Variants in CLTB observed in about 807,000 individuals in gnomAD.
CLTB encodes the protein clathrin light chain B.
A neutral mutation model predicts 30.5 loss-of-function variants in CLTB; 10 were observed. That is an observed-to-expected ratio of 0.33 (90% confidence interval 0.20 to 0.56). CLTB has a LOEUF of 0.56. Ranked by LOEUF, CLTB falls within the 20% of genes least tolerant of loss-of-function variation. The probability of loss-of-function intolerance (pLI) is 0.91; values close to 1 mark genes in which losing one functional copy is unlikely to be tolerated. For synonymous variants in CLTB, 102 were observed against 120.3 expected, an observed-to-expected ratio of 0.85 and a Z score of 1.00; for missense variants, 261 against 308.3, an observed-to-expected ratio of 0.85 and a Z score of 1.15.
intron 1 of CLTB, among the ~76,000 whole-genome samples, chr5:176,410,874 G>T (rs913616470): frequency 3.3e-5 from 5 of 152,166 alleles, no homozygotes; most frequent in African/African-American, 1.2e-4. Flanking sequence ...CTCCCAGAAG[G>T]AATTAAGTTT....
In CLTB at chr5:176,392,807, G is replaced by C. The variant is rs761360140; in HGVS notation, c.657C>G (p.Leu219=). ...ACAGTGGCGTCTGCTTCAGGGACAT[G>C]AGCACCGAGCGCAGGCGGGACACAT... ...CKDVSRLRSV[L]MSLKQTPLSR Residue 219 remains leucine, a synonymous_variant, in exon 6 of 6, where the codon CTC becomes CTG. Transcript: ENST00000310418. The surrounding 1 kb of genome is among the most constrained non-coding windows in gnomAD (Gnocchi z 5.2). 1.6e-5 allele frequency: 26 copies of C among 1,614,120 alleles called. No homozygotes were observed. The highest frequency in any genetic ancestry group is 2.0e-5 in the Non-Finnish European group (24 of 1,180,062).
chr5:176,414,794 C>G (rs549935477), intron 1 of CLTB, among the ~76,000 whole-genome samples: 19 of 152,132 alleles, frequency 1.2e-4, no homozygotes, highest in Non-Finnish European at 2.4e-4. Flanking sequence ...GTTACAAAAG[C>G]CTGGTTACAT....
In CLTB at chr5:176,393,592, C is replaced by T. The variant is rs1232573138; in HGVS notation, c.519-647G>A. ...GTATGTGATGGAATCCACCACATCC[C>T]AAGCGTCTTTCACCACAGAGCCCTT... On this transcript the variant is annotated intron_variant, in intron 5 of 5. Transcript: ENST00000310418. The surrounding 1 kb of genome is among the most constrained non-coding windows in gnomAD (Gnocchi z 4.4). Among the ~76,000 whole-genome samples, 1 of 152,208 alleles carries T rather than the reference C, an allele frequency of 6.6e-6. No individual in the cohort carries two copies. The highest frequency in any genetic ancestry group is 1.9e-4 in the East Asian group (1 of 5,194).
chr5:176,394,806 C>T (rs1051206401), intron 5 of CLTB, among the ~76,000 whole-genome samples: 1 of 149,786 alleles, frequency 6.7e-6, no homozygotes, highest in African/African-American at 2.4e-5. Flanking sequence ...CAGAGCAAGA[C>T]TCCGTCTTAA....
chr5:176,397,771 C>A, intron 3 of CLTB, 53 bp from the exon 4 acceptor site: 1 of 1,565,132 alleles, frequency 6.4e-7, no homozygotes, highest in Non-Finnish European at 8.8e-7. Flanking sequence ...ATGCACAGGC[C>A]CGGCCGCGCT....
At position 176,396,475 on chromosome 5, in the gene CLTB, G is replaced by A. The variant is rs373717718; in HGVS notation, c.518+4C>T. 1.1e-4 allele frequency: 181 copies of A among 1,613,038 alleles called. 1 individual carries two copies. In the South Asian group the frequency reaches 1.2e-3, roughly 11 times the overall value. On this transcript the variant is annotated splice_donor_region_variant and intron_variant, in intron 5 of 5. Coordinates refer to ENST00000310418, the MANE Select transcript of CLTB (RefSeq NM_007097.5). The stretch of plus-strand genomic sequence containing the variant: ...CCCAACAGAGAAGCAAAACAGACAC[G>A]TACACGTAGCCGATGATATCAGCAT...
At chr5:176,403,453 TTTTG>T (rs940578904) in intron 2 of CLTB, among the ~76,000 whole-genome samples, 1 of 144,296 alleles carries the variant, frequency 6.9e-6, no homozygotes, top group Admixed American at 7.0e-5. Context: ...TGTTTTTTTG[TTTTG>T]TTTTTTTTCT....
At chr5:176,395,596 T>A (rs1005444696) in intron 5 of CLTB, among the ~76,000 whole-genome samples, 2 of 152,086 alleles carry the variant, frequency 1.3e-5, no homozygotes, top group African/African-American at 2.4e-5. Context: ...CTCCAGGATG[T>A]CTCTACCAAC....
chr5:176,407,880 C>T (rs1452830179), intron 2 of CLTB, among the ~76,000 whole-genome samples: 4 of 152,176 alleles, frequency 2.6e-5, no homozygotes, highest in African/African-American at 9.7e-5. Flanking sequence ...AGTCTCCCTG[C>T]ATAAGGTACC....
chr5:176,401,479 AC>A (rs1223837432), intron 2 of CLTB, among the ~76,000 whole-genome samples: 1 of 152,136 alleles, frequency 6.6e-6, no homozygotes, highest in African/African-American at 2.4e-5. Flanking sequence ...ACGTCACTTC[AC>A]TTTTCATTCC....
intron 1 of CLTB, among the ~76,000 whole-genome samples, chr5:176,415,907 C>T (rs961854655): frequency 6.6e-6 from 1 of 152,216 alleles, no homozygotes; most frequent in African/African-American, 2.4e-5. Flanking sequence ...GGGTTGGATT[C>T]CAGAGCCGGG....
At chr5:176,396,381 G>A in intron 5 of CLTB, 98 bp downstream of exon 5, 1 of 1,125,704 alleles carries the variant, frequency 8.9e-7, no homozygotes, top group Non-Finnish European at 1.4e-6. Flanking sequence ...TCCGAGCCCA[G>A]CCACACTCAT....
chr5:176,410,759 C>A (rs950720731), intron 1 of CLTB, among the ~76,000 whole-genome samples: 3 of 117,822 alleles, frequency 2.5e-5, no homozygotes, highest in African/African-American at 8.3e-5. Context: ...GGGGCCTACG[C>A]GTCTCTGCCT....
intron 2 of CLTB, 113 bp from the exon 3 acceptor site, chr5:176,398,160 T>G: frequency 7.0e-6 from 6 of 853,982 alleles, no homozygotes; most frequent in Non-Finnish European, 1.2e-5. Flanking sequence ...AACAACCTCA[T>G]ACCCACTGTC....
chr5:176,406,811 GC>G, intron 2 of CLTB: 1 of 854,318 alleles, frequency 1.2e-6, no homozygotes. Context: ...GCAGGTGCAG[GC>G]CAGACCTGCT....
rs778001488 is a variant in CLTB, at chr5:176,416,180, C to A, written c.184G>T (p.Gly62Trp). The change falls in exon 1 of 6, where the codon GGG becomes TGG. Residue 62 changes from glycine (G) to tryptophan (W), a missense_variant. Physicochemically the swap from Gly to Trp is radical, Grantham distance 184 (BLOSUM62 -2). This residue lies in a region of CLTB where 113 missense variants were observed against 102.5 expected (regional missense o/e 1.10). Coordinates refer to ENST00000310418, the MANE Select transcript of CLTB (RefSeq NM_007097.5). ...AAPAQPGPTS[G>W]AGSEDMGTTV... ...TCCAGGCCCCGCGCTGACTCACCCC[C>A]ACTCGTGGGGCCCGGCTGCGCGGGG... is the stretch of plus-strand genomic sequence containing the variant. 7 of 1,579,306 alleles carry A rather than the reference C, an allele frequency of 4.4e-6. No individual in the cohort carries two copies. Among genetic ancestry groups the A allele is most frequent in the African/African-American group, 1.4e-5 (1 of 71,522 alleles).
chr5:176,411,297 A>C (rs1581447423), intron 1 of CLTB, among the ~76,000 whole-genome samples: 1 of 152,202 alleles, frequency 6.6e-6, no homozygotes, highest in South Asian at 2.1e-4. Context: ...TCTGTAAAAC[A>C]TGCACTTACC....
chr5:176,393,136 C>T lies in CLTB; in HGVS notation c.519-191G>A, dbSNP rs549636734. ...TTGGTCCTGCCTCAGGACCTTGGCACTTGCTATCACCTCTTCCTGGAACAC... is the reference window on the plus strand; with the variant it reads ...TTGGTCCTGCCTCAGGACCTTGGCATTTGCTATCACCTCTTCCTGGAACAC... On this transcript the variant is annotated intron_variant, in intron 5 of 5. Coordinates refer to ENST00000310418, the MANE Select transcript of CLTB (RefSeq NM_007097.5). This position sits in a 1 kb window ranked among gnomAD's most constrained non-coding sequence, Gnocchi z 4.4. Among the ~76,000 whole-genome samples the T allele has an allele frequency of 6.6e-6, 1 of 152,254 alleles. No homozygotes were observed. The highest frequency in any genetic ancestry group is 1.5e-5 in the Non-Finnish European group (1 of 68,018).
intron 1 of CLTB, among the ~76,000 whole-genome samples, chr5:176,415,834 A>G (rs1757665671): frequency 1.3e-5 from 2 of 152,138 alleles, no homozygotes; most frequent in Admixed American, 6.5e-5. Flanking sequence ...CTGCACACTT[A>G]GCTGGGAGCC....
Sources: allele counts gnomAD v4.1 joint callset (sites outside exome capture counted in the v4.1 genomes callset), GRCh38; gene constraint gnomAD v4.1.1; regional missense constraint gnomAD v4.1.1; non-coding constraint Gnocchi (gnomAD v3.1); transcripts MANE v1.5; gene names NCBI Gene and HGNC (gene_info 2026-07-23, HGNC 2026-07-21).